Variants in DOCK5 observed in about 807,000 individuals in gnomAD.
DOCK5 encodes dedicator of cytokinesis 5.
DOCK5 carries 142 observed loss-of-function variants against 251.8 expected under a neutral mutation model. The observed-to-expected ratio is 0.56, with a 90% CI of 0.49 to 0.65. The LOEUF (loss-of-function observed/expected upper bound fraction) is 0.65, where lower values mean the gene tolerates loss of function less well. Ranked by LOEUF, DOCK5 falls within the 30% of genes least tolerant of loss-of-function variation. The pLI, the probability that DOCK5 is intolerant of heterozygous loss-of-function variation, is 0.00. For missense variants in DOCK5, 2,111 were observed against 2,312.3 expected (o/e 0.91, Z 1.79); for synonymous variants, 842 against 835.5 (o/e 1.01, Z -0.13).
At chr8:25,267,920 T>C (rs1431767482) in intron 2 of DOCK5, among the ~76,000 whole-genome samples, 1 of 151,612 alleles carries the variant, frequency 6.6e-6, no homozygotes, top group Non-Finnish European at 1.5e-5. Flanking sequence ...TGGAGTGCAG[T>C]GGTATAATCT....
At position 25,186,269 on chromosome 8, in the gene DOCK5, T is replaced by G. The variant is rs188525195; in HGVS notation, c.43+1318T>G. Among the ~76,000 whole-genome samples the G allele has an allele frequency of 2.0e-5, 3 of 152,218 alleles. No homozygotes were observed. The East Asian group carries it at 5.8e-4, about 29-fold the overall frequency. ...TCAAAAGACATTTTCTTTTTTGCTC[T>G]TAAGTTGCTTTTAGAATCTTAGTCT... On this transcript the variant is annotated intron_variant, in intron 1 of 51. Coordinates refer to ENST00000276440, the MANE Select transcript of DOCK5 (RefSeq NM_024940.8).
At chr8:25,236,790 G>A (rs1802810465) in intron 1 of DOCK5, among the ~76,000 whole-genome samples, 1 of 151,726 alleles carries the variant, frequency 6.6e-6, no homozygotes, top group South Asian at 2.1e-4. Context: ...GTAGAGATGG[G>A]GTTTTACCAT....
intron 3 of DOCK5, among the ~76,000 whole-genome samples, chr8:25,274,339 C>T (rs915859656): frequency 2.6e-5 from 4 of 152,162 alleles, no homozygotes. Context: ...GAGCAGTTAG[C>T]CAACAGTGCC....
chr8:25,345,283 C>G (rs1410218490), intron 25 of DOCK5, 192 bp from the exon 26 acceptor site: 4 of 475,888 alleles, frequency 8.4e-6, no homozygotes, highest in Admixed American at 7.3e-5. Flanking sequence ...CATTCATCTG[C>G]GCATTGAACA....
At chr8:25,230,955 C>A (rs2117518956) in intron 1 of DOCK5, among the ~76,000 whole-genome samples, 1 of 152,272 alleles carries the variant, frequency 6.6e-6, no homozygotes, top group East Asian at 1.9e-4. Flanking sequence ...TTGCAAACAA[C>A]ATGATTCTCA....
chr8:25,226,151 CATAGAA>C (rs1563314852), intron 1 of DOCK5, among the ~76,000 whole-genome samples: 2 of 149,856 alleles, frequency 1.3e-5, no homozygotes, highest in Non-Finnish European at 3.0e-5. Context: ...ATGAAACAAA[CATAGAA>C]ATAAATTAAG....
intron 17 of DOCK5, 95 bp downstream of exon 17, chr8:25,324,046 T>C: frequency 7.6e-7 from 1 of 1,317,630 alleles, no homozygotes; most frequent in Non-Finnish European, 1.0e-6. Flanking sequence ...TCAGAAACCT[T>C]TCTAGAGCTT....
intron 26 of DOCK5, among the ~76,000 whole-genome samples, chr8:25,348,873 G>A (rs866965934): frequency 4.6e-5 from 7 of 150,946 alleles, no homozygotes; most frequent in South Asian, 2.1e-4. Context: ...CCACTCACCC[G>A]CACCCCCACA....
At chr8:25,256,314 A>G (rs1441263620) in intron 2 of DOCK5, among the ~76,000 whole-genome samples, 1 of 152,172 alleles carries the variant, frequency 6.6e-6, no homozygotes, top group Non-Finnish European at 1.5e-5. Flanking sequence ...AACCTTGAAT[A>G]CTTGTTTAGT....
chr8:25,349,467 G>A (rs377039364), intron 26 of DOCK5, among the ~76,000 whole-genome samples: 28 of 152,262 alleles, frequency 1.8e-4, no homozygotes, highest in African/African-American at 5.3e-4. Flanking sequence ...ATACATGCAC[G>A]TGCATGTTTA....
In DOCK5 at chr8:25,332,703, A is replaced by G; in HGVS notation, c.2091+11A>G. ...GTGTTTGACGCACTGGTAAGCAGTT[A>G]AACATATTAACTAGTGTTTATTGTT... On this transcript the variant is annotated intron_variant, in intron 20 of 51. Coordinates refer to ENST00000276440, the MANE Select transcript of DOCK5 (RefSeq NM_024940.8). 2 of 1,597,918 alleles carry G rather than the reference A, an allele frequency of 1.3e-6. No homozygotes were observed. The highest frequency in any genetic ancestry group is 1.7e-6 in the Non-Finnish European group (2 of 1,171,666).
intron 1 of DOCK5, 49 bp downstream of exon 1, chr8:25,185,000 C>T (rs75913818): frequency 0.045 from 59,070 of 1,313,278 alleles, 1,796 homozygotes; most frequent in African/African-American, 0.13. Context: ...CGGCCAAGTT[C>T]GCGGACAGCG....
In DOCK5 at chr8:25,373,340, C is replaced by T. The variant is rs564141096; in HGVS notation, c.3685-278C>T. Among the ~76,000 whole-genome samples the T allele has an allele frequency of 2.0e-5, 3 of 152,268 alleles. No homozygotes were observed. The East Asian group carries it at 5.8e-4, about 29-fold the overall frequency. On this transcript the variant is annotated intron_variant, in intron 35 of 51. Transcript: ENST00000276440. ...AGTGGTGATTTTTGAGATTTTAGAG[C>T]ACCCGTCACCCGAGCACTGTACCCA...
intron 5 of DOCK5, among the ~76,000 whole-genome samples, 151 bp from the exon 6 acceptor site, chr8:25,291,872 CA>C (rs5890217): frequency 1.7e-4 from 20 of 114,438 alleles, no homozygotes; most frequent in African/African-American, 2.8e-4. Flanking sequence ...GACTCCATCA[CA>C]AAAAAAAAAA....
chr8:25,404,753 G>T (rs552747153), intron 48 of DOCK5, among the ~76,000 whole-genome samples: 7 of 151,880 alleles, frequency 4.6e-5, no homozygotes, highest in South Asian at 2.1e-4. Context: ...ATGTGAAATT[G>T]CTCTGTCAAA....
At chr8:25,224,459 C>G (rs954582573) in intron 1 of DOCK5, among the ~76,000 whole-genome samples, 1 of 152,194 alleles carries the variant, frequency 6.6e-6, no homozygotes, top group African/African-American at 2.4e-5. Flanking sequence ...CAAATATCTC[C>G]TTTTCACTAT....
At chr8:25,341,588 G>T in intron 23 of DOCK5, 151 bp from the exon 24 acceptor site, 1 of 671,924 alleles carries the variant, frequency 1.5e-6, no homozygotes, top group South Asian at 1.9e-5. Flanking sequence ...ATCGTGTAGA[G>T]CAATGCCAGC....
chr8:25,406,245 A>C (rs866978584), intron 48 of DOCK5, among the ~76,000 whole-genome samples: 2 of 152,338 alleles, frequency 1.3e-5, no homozygotes, highest in South Asian at 2.1e-4. Context: ...GGCGTGAGCC[A>C]CCACACCTGG....
At position 25,268,862 on chromosome 8, in the gene DOCK5, AC is replaced by A; in HGVS notation, c.148del (p.Leu50SerfsTer17). The A allele has an allele frequency of 6.4e-7, 1 of 1,564,012 alleles. No homozygotes were observed. Among genetic ancestry groups the A allele is most frequent in the South Asian group, 1.2e-5 (1 of 82,568 alleles). Reference protein sequence around the residue: ...EMYEGWYRGYTLQNKSKKGIF... With the variant: ...EMYEGWYRGYXLQNKSKKGIF... ...TCTGACAGGTTGGTACAGAGGATATACCCTCCAAAATAAATCTAAAAAGGTA... is the reference window on the plus strand; with the variant it reads ...TCTGACAGGTTGGTACAGAGGATATACCTCCAAAATAAATCTAAAAAGGTA... On this transcript the variant is annotated frameshift_variant, in exon 3 of 52. Coordinates refer to ENST00000276440, the MANE Select transcript of DOCK5 (RefSeq NM_024940.8). LOFTEE classifies it high-confidence loss of function.
Sources: gnomAD v4.1 joint callset for allele counts (sites outside exome capture counted in the v4.1 genomes callset) on GRCh38, gnomAD v4.1.1 for gene constraint, MANE v1.5 for transcripts, NCBI Gene and HGNC (gene_info 2026-07-23, HGNC 2026-07-21) for gene names.